CNBD1: variants seen among roughly 807,000 people sequenced by gnomAD.
CNBD1 encodes the protein cyclic nucleotide binding domain containing 1.
Under a neutral mutation model 54.4 loss-of-function variants are expected in CNBD1, and 71 were observed. The ratio of observed to expected loss-of-function variants is 1.30; its 90% CI spans 1.08 to 1.59. The LOEUF (loss-of-function observed/expected upper bound fraction) is 1.59, where lower values mean the gene tolerates loss of function less well. Ranked by LOEUF, CNBD1 falls within the 40% of genes most tolerant of loss-of-function variation. CNBD1 has a pLI of 0.00. For synonymous variants in CNBD1, 182 were observed against 170.7 expected (o/e 1.07, Z -0.51); for missense variants, 659 against 518.0 (o/e 1.27, Z -2.64).
chr8:87,048,532 T>G (rs1035214487), intron 4 of CNBD1, among the ~76,000 whole-genome samples: 8 of 152,170 alleles, frequency 5.3e-5, no homozygotes, highest in African/African-American at 1.9e-4. Context: ...TGGTATTATA[T>G]GCCCAGTGCT....
intron 4 of CNBD1, among the ~76,000 whole-genome samples, chr8:87,070,188 C>T (rs759397567): frequency 1.1e-4 from 17 of 152,064 alleles, no homozygotes; most frequent in Non-Finnish European, 2.2e-4. Context: ...GATCCTGCTC[C>T]GTTCACTTGT....
At chr8:87,095,847 CG>C (rs1001837136) in intron 4 of CNBD1, among the ~76,000 whole-genome samples, 4 of 152,064 alleles carry the variant, frequency 2.6e-5, no homozygotes, top group East Asian at 1.9e-4. Context: ...TTAGTAGAGA[CG>C]GGGGTCTCAC....
intron 10 of CNBD1, among the ~76,000 whole-genome samples, chr8:87,373,326 A>G (rs1050992264): frequency 1.3e-5 from 2 of 151,816 alleles, no homozygotes; most frequent in Non-Finnish European, 2.9e-5. Context: ...CTTAGGTAAT[A>G]TTGAAATATA....
chr8:87,091,428 G>T (rs1317041739), intron 4 of CNBD1, among the ~76,000 whole-genome samples: 1 of 152,096 alleles, frequency 6.6e-6, no homozygotes, highest in African/African-American at 2.4e-5. Flanking sequence ...CAGTCATCTG[G>T]TTACTTCCAT....
rs13263791 is a variant in CNBD1 at position 86,959,796 on chromosome 8, A to G, written c.431+20042A>G. Among the ~76,000 whole-genome samples the G allele has an allele frequency of 6.6e-3, 1,009 of 152,262 alleles. 5 individuals are homozygous for G. Among genetic ancestry groups the G allele is most frequent in the Non-Finnish European group, 0.011 (734 of 68,020 alleles). On this transcript the variant is annotated intron_variant, in intron 4 of 10. Transcript: ENST00000518476. ...TAGCTTCCTTGCGATGGGCTCAAAC[A>G]TCCTCCTTTAGCTCAGAGAAGTTTG...
chr8:87,320,526 C>T (rs1228451925), intron 8 of CNBD1, among the ~76,000 whole-genome samples: 2 of 151,474 alleles, frequency 1.3e-5, no homozygotes, highest in East Asian at 1.9e-4. Flanking sequence ...TTATGTGCCA[C>T]CTCCCTTAGT....
At position 87,378,713 on chromosome 8, in the gene CNBD1, A is replaced by G. The variant is rs1006898237; in HGVS notation, c.1304-3907A>G. ...AAGAAAGGCATTGGTAGCTTGATGG[A>G]GATGGCATTGAATCTGTAAATTACC... On this transcript the variant is annotated intron_variant, in intron 10 of 10. Coordinates refer to ENST00000518476, the MANE Select transcript of CNBD1 (RefSeq NM_173538.3). Among the ~76,000 whole-genome samples the G allele has an allele frequency of 7.9e-4, 119 of 151,100 alleles. 5 individuals are homozygous for G. The highest frequency in any genetic ancestry group is 2.6e-3 in the African/African-American group (107 of 40,614).
chr8:87,020,670 G>A (rs1809467315), intron 4 of CNBD1, among the ~76,000 whole-genome samples: 1 of 72,358 alleles, frequency 1.4e-5, no homozygotes, highest in Non-Finnish European at 2.6e-5. Context: ...TTATGAGACA[G>A]GGAAAAAAAA....
At chr8:87,214,857 A>G (rs1362746256) in intron 5 of CNBD1, among the ~76,000 whole-genome samples, 2 of 152,142 alleles carry the variant, frequency 1.3e-5, no homozygotes, top group African/African-American at 4.8e-5. Context: ...AACTGCCCCC[A>G]TGATTCAGTT....
intron 5 of CNBD1, among the ~76,000 whole-genome samples, chr8:87,228,321 T>G (rs1270346978): frequency 1.3e-5 from 2 of 150,836 alleles, no homozygotes; most frequent in Non-Finnish European, 2.9e-5. Flanking sequence ...GGCACTCTGA[T>G]TTTTAGAGTT....
Position 87,329,752 on chromosome 8 carries a change from C to A in CNBD1, c.1043-21933C>A, listed in dbSNP as rs555014877. Among the ~76,000 whole-genome samples, 141 of 151,992 alleles carry A rather than the reference C, an allele frequency of 9.3e-4. 1 individual carries two copies. The Middle Eastern group carries it at 0.021, about 22-fold the overall frequency. On this transcript the variant is annotated intron_variant, in intron 8 of 10. Transcript: ENST00000518476. ...TGACTTGTGTATATTAACCTTGTAT[C>A]CGCAACCCTTATATATTATCCCTTA...
chr8:87,336,454 C>T (rs141110618), intron 8 of CNBD1, among the ~76,000 whole-genome samples: 77 of 151,998 alleles, frequency 5.1e-4, no homozygotes, highest in African/African-American at 1.6e-3. Context: ...GATGGTCTTC[C>T]GTCTGATATT....
chr8:87,255,282 C>A (rs114305310), intron 6 of CNBD1, among the ~76,000 whole-genome samples: 1 of 151,968 alleles, frequency 6.6e-6, no homozygotes, highest in African/African-American at 2.4e-5. Flanking sequence ...TGAGAAAGAA[C>A]CACAGGAAAC....
At chr8:87,426,961 G>A (rs4961034) in intron 2 of CNBD1, among the ~76,000 whole-genome samples, 42,964 of 152,000 alleles carry the variant, frequency 0.28, 6,760 homozygotes, top group Middle Eastern at 0.41. Flanking sequence ...TCAAATAATG[G>A]AGCCAACTGT....
At chr8:87,133,753 G>A (rs754317291) in intron 4 of CNBD1, among the ~76,000 whole-genome samples, 1 of 150,654 alleles carries the variant, frequency 6.6e-6, no homozygotes, top group Non-Finnish European at 1.5e-5. Context: ...TTTTATGAAT[G>A]AGCTATATAA....
chr8:86,904,091 C>A (rs1434923503), intron 2 of CNBD1, among the ~76,000 whole-genome samples: 2 of 151,876 alleles, frequency 1.3e-5, no homozygotes, highest in Non-Finnish European at 2.9e-5. Flanking sequence ...GTTTTAGGAA[C>A]ATTATCCAAG....
intron 5 of CNBD1, among the ~76,000 whole-genome samples, chr8:87,234,342 C>G (rs1179942846): frequency 1.3e-5 from 2 of 152,134 alleles, no homozygotes; most frequent in East Asian, 1.9e-4. Flanking sequence ...CCAGCTCCAT[C>G]AGAATAATTA....
chr8:86,925,482 AGTGTGTGTGTGTGTGTGT>A (rs71275894), intron 3 of CNBD1, among the ~76,000 whole-genome samples: 8,097 of 141,796 alleles, frequency 0.057, 329 homozygotes, highest in East Asian at 0.21. Context: ...CTTACCAAAA[AGTGTGTGTGTGTGTGTGT>A]GTGTGTGTGT....
intron 6 of CNBD1, among the ~76,000 whole-genome samples, chr8:87,247,273 A>T (rs1807825232): frequency 6.6e-6 from 1 of 152,180 alleles, no homozygotes; most frequent in Non-Finnish European, 1.5e-5. Flanking sequence ...TGAGTTGCAG[A>T]TCCATTCCTT....
Sources: allele counts gnomAD v4.1 joint callset (sites outside exome capture counted in the v4.1 genomes callset), GRCh38; gene constraint gnomAD v4.1.1; transcripts MANE v1.5; gene names NCBI Gene and HGNC (gene_info 2026-07-23, HGNC 2026-07-21).